The following CDH13 variants were observed in gnomAD, a reference collection of about 807,000 sequenced individuals.
The protein encoded by CDH13 is cadherin-13.
Under a neutral mutation model 63.8 loss-of-function variants are expected in CDH13, and 24 were observed. The observed-to-expected ratio is 0.38, with a 90% CI of 0.27 to 0.53. CDH13 has a LOEUF of 0.53. Ranked by LOEUF, CDH13 falls within the 20% of genes least tolerant of loss-of-function variation. The pLI is 0.85. For synonymous variants in CDH13, 503 were observed against 355.3 expected (o/e 1.42, Z -4.67); for missense variants, 1,049 against 903.1 (o/e 1.16, Z -2.07).
At chr16:83,165,381 G>T (rs1303545774) in intron 4 of CDH13, among the ~76,000 whole-genome samples, 1 of 152,146 alleles carries the variant, frequency 6.6e-6, no homozygotes, top group African/African-American at 2.4e-5. Context: ...GCAAGAGGCT[G>T]GTTGTGTGCT....
intron 2 of CDH13, chr16:82,884,497 C>T: frequency 4.0e-6 from 1 of 248,070 alleles, no homozygotes; most frequent in East Asian, 8.9e-5. Context: ...ACCATGTCAC[C>T]CAAGGTAAGC....
intron 3 of CDH13, among the ~76,000 whole-genome samples, chr16:83,092,622 C>A (rs569142466): frequency 1.3e-5 from 2 of 152,234 alleles, no homozygotes; most frequent in South Asian, 4.1e-4. Flanking sequence ...CTACTTCTTT[C>A]TTTGCCGCTT....
chr16:83,382,436 C>T (rs908720348), intron 6 of CDH13, among the ~76,000 whole-genome samples: 1 of 152,158 alleles, frequency 6.6e-6, no homozygotes, highest in East Asian at 1.9e-4. Flanking sequence ...CATACCCCCT[C>T]ATGCTGATCC....
At chr16:83,130,327 C>G (rs561375455) in intron 4 of CDH13, among the ~76,000 whole-genome samples, 11 of 152,302 alleles carry the variant, frequency 7.2e-5, no homozygotes, top group African/African-American at 1.7e-4. Flanking sequence ...ATAACAGAGC[C>G]AAGCTTTGTT....
At chr16:82,657,580 G>T (rs1316608719) in intron 1 of CDH13, among the ~76,000 whole-genome samples, 2 of 152,218 alleles carry the variant, frequency 1.3e-5, no homozygotes, top group Non-Finnish European at 2.9e-5. Context: ...CCACAGTTGA[G>T]TAAAACTGTA....
At chr16:82,775,941 G>A (rs1357345105) in intron 1 of CDH13, among the ~76,000 whole-genome samples, 1 of 152,180 alleles carries the variant, frequency 6.6e-6, no homozygotes, top group Non-Finnish European at 1.5e-5. Context: ...TGCATGCAGT[G>A]GCTCACATCT....
intron 7 of CDH13, among the ~76,000 whole-genome samples, chr16:83,523,813 C>A (rs955408956): frequency 2.6e-5 from 4 of 152,160 alleles, no homozygotes; most frequent in Non-Finnish European, 5.9e-5. Flanking sequence ...GACAACAGTC[C>A]CCATTTCAAA....
intron 3 of CDH13, among the ~76,000 whole-genome samples, chr16:83,097,239 CT>C (rs1373669927): frequency 7.2e-5 from 11 of 152,116 alleles, no homozygotes; most frequent in African/African-American, 2.4e-4. Context: ...ACTTATGAAG[CT>C]CATAGGATAA....
At chr16:83,762,645 C>T (rs925723887) in intron 11 of CDH13, among the ~76,000 whole-genome samples, 2 of 152,166 alleles carry the variant, frequency 1.3e-5, no homozygotes, top group East Asian at 1.9e-4. Context: ...TGGGGACGGC[C>T]ACAGGCAGGA....
rs760451358 is a variant in CDH13 at position 83,626,416 on chromosome 16, C to T, written c.1101+23822C>T. ...GTGAAAGTGCTTAGGATGTAGTTGG[C>T]GCTCAGGTCATTCTGCAGGCGTTAA... On this transcript the variant is annotated intron_variant, in intron 8 of 13. Coordinates refer to ENST00000567109, the MANE Select transcript of CDH13 (RefSeq NM_001257.5). Among the ~76,000 whole-genome samples the T allele has an allele frequency of 4.7e-4, 72 of 152,028 alleles. 1 individual carries two copies. Among genetic ancestry groups the T allele is most frequent in the Non-Finnish European group, 2.6e-4 (18 of 68,010 alleles).
At chr16:83,378,040 A>G (rs966256082) in intron 6 of CDH13, among the ~76,000 whole-genome samples, 1 of 152,178 alleles carries the variant, frequency 6.6e-6, no homozygotes, top group Non-Finnish European at 1.5e-5. Context: ...GGCTGCTCTC[A>G]GTACCCTTTG....
chr16:82,945,814 A>G (rs1597266968), intron 2 of CDH13, among the ~76,000 whole-genome samples: 1 of 152,304 alleles, frequency 6.6e-6, no homozygotes, highest in East Asian at 1.9e-4. Context: ...ATTTAGGCAC[A>G]TGGAGAGGCA....
chr16:83,634,430 T>C (rs1483471668), intron 8 of CDH13, among the ~76,000 whole-genome samples: 1 of 151,720 alleles, frequency 6.6e-6, no homozygotes, highest in Non-Finnish European at 1.5e-5. Context: ...AGACGGAGTC[T>C]TTCCCAGCCA....
At chr16:83,136,780 G>A (rs996848071) in intron 4 of CDH13, among the ~76,000 whole-genome samples, 3 of 152,180 alleles carry the variant, frequency 2.0e-5, no homozygotes, top group Admixed American at 6.5e-5. Context: ...ATGTTCCGCA[G>A]CCTGAATGCA....
chr16:82,654,316 T>C (rs1040982993), intron 1 of CDH13, among the ~76,000 whole-genome samples: 2 of 152,168 alleles, frequency 1.3e-5, no homozygotes, highest in African/African-American at 2.4e-5. Flanking sequence ...CCAACTCTCA[T>C]AGCATCAGCT....
At chr16:83,368,144 T>G (rs1455400296) in intron 6 of CDH13, among the ~76,000 whole-genome samples, 1 of 152,242 alleles carries the variant, frequency 6.6e-6, no homozygotes, top group Non-Finnish European at 1.5e-5. Context: ...TGCTGGGAGC[T>G]CTCTTTTAAC....
intron 6 of CDH13, among the ~76,000 whole-genome samples, chr16:83,436,267 T>A (rs1313952880): frequency 1.3e-5 from 2 of 152,194 alleles, no homozygotes; most frequent in Admixed American, 6.5e-5. Flanking sequence ...TCTGGGGCAA[T>A]TTCGCTACAT....
chr16:83,656,989 A>G (rs960991885), intron 8 of CDH13, among the ~76,000 whole-genome samples: 14 of 152,200 alleles, frequency 9.2e-5, no homozygotes, highest in African/African-American at 2.9e-4. Context: ...TGATGCCAAC[A>G]TTTATGGAGA....
At chr16:82,969,667 C>T (rs1205586230) in intron 2 of CDH13, among the ~76,000 whole-genome samples, 2 of 152,090 alleles carry the variant, frequency 1.3e-5, no homozygotes, top group African/African-American at 4.8e-5. Context: ...ATACCACTAG[C>T]AGCACTGCAG....
Sources: gnomAD v4.1 joint callset for allele counts (sites outside exome capture counted in the v4.1 genomes callset) on GRCh38, gnomAD v4.1.1 for gene constraint, MANE v1.5 for transcripts, NCBI Gene and HGNC (gene_info 2026-07-23, HGNC 2026-07-21) for gene names.